The following NUDT1 variants were observed in gnomAD, a reference collection of about 807,000 sequenced individuals.
NUDT1 encodes the protein oxidized purine nucleoside triphosphate hydrolase.
Under a neutral mutation model 11.3 loss-of-function variants are expected in NUDT1, and 16 were observed. The ratio of observed to expected loss-of-function variants is 1.41; its 90% CI spans 0.96 to 2.15. NUDT1 has a LOEUF of 2.15. Among genes scored for constraint, NUDT1 ranks in the 30% most tolerant of loss-of-function variants. The pLI is 0.00. For missense variants in NUDT1, 234 were observed against 208.4 expected (o/e 1.12, Z -0.76); for synonymous variants, 101 against 84.4 (o/e 1.20, Z -1.08).
intron 2 of NUDT1, among the ~76,000 whole-genome samples, chr7:2,248,567 T>C (rs1794860078): frequency 7.0e-6 from 1 of 143,442 alleles, no homozygotes; most frequent in Non-Finnish European, 1.5e-5. Context: ...TTTTTTTTTT[T>C]TTAAGACAGG....
rs1201033332 is a variant in NUDT1, at chr7:2,251,056, C to A, written c.*55C>A. The A allele has an allele frequency of 9.6e-6, 15 of 1,568,570 alleles. No individual in the cohort carries two copies. Among genetic ancestry groups the A allele is most frequent in the South Asian group, 7.8e-5 (7 of 89,914 alleles). The stretch of plus-strand genomic sequence containing the variant: ...GACGTGGCTGCTGAACAGCCGCAAA[C>A]CATCTTCACCTGGGGGCATTGAGTG... On this transcript the variant is annotated 3_prime_UTR_variant, in exon 4 of 4. Coordinates refer to ENST00000356714, the MANE Select transcript of NUDT1 (RefSeq NM_002452.4).
Position 2,250,814 on chromosome 7 carries a change from C to A in NUDT1, c.299-15C>A. The A allele has an allele frequency of 1.9e-6, 3 of 1,613,976 alleles. No homozygotes were observed. Among genetic ancestry groups the A allele is most frequent in the Non-Finnish European group, 2.5e-6 (3 of 1,179,874 alleles). Reference sequence around the variant, plus strand: ...GGGTTGCACCTCAGTGCCTCCTCTTCCCCCATTGGTACAGAAATGCGCCCA... The same window carrying A: ...GGGTTGCACCTCAGTGCCTCCTCTTACCCCATTGGTACAGAAATGCGCCCA... On this transcript the variant is annotated splice_polypyrimidine_tract_variant and intron_variant, in intron 3 of 3. Coordinates refer to ENST00000356714, the MANE Select transcript of NUDT1 (RefSeq NM_002452.4).
At chr7:2,247,428 G>A (rs1794813732) in intron 2 of NUDT1, among the ~76,000 whole-genome samples, 1 of 152,180 alleles carries the variant, frequency 6.6e-6, no homozygotes, top group South Asian at 2.1e-4. Flanking sequence ...ACTGAATTGT[G>A]GGGGTGTGCA....
intron 1 of NUDT1, among the ~76,000 whole-genome samples, chr7:2,243,860 C>CA (rs756397420): frequency 4.3e-4 from 65 of 151,886 alleles, no homozygotes; most frequent in South Asian, 1.2e-3. Context: ...GCATCGCCCT[C>CA]AGAGTCCTCT....
In NUDT1 at chr7:2,242,963, G is replaced by T. The variant is rs1313081732; in HGVS notation, c.-13+707G>T. 3 of 715,520 alleles carry T rather than the reference G, an allele frequency of 4.2e-6. No homozygotes were observed. In the Admixed American group the frequency reaches 6.0e-5, roughly 14 times the overall value. The allele number at this position is 715,520 out of a possible 1,614,324, so 44.3% of individuals were successfully genotyped here. ...ATGTACTGGAGCAATCAGATCACAC[G>T]GCGGCTTGGAGAGTGAGTGCAAGGT... On this transcript the variant is annotated intron_variant, in intron 1 of 3. Transcript: ENST00000356714.
intron 2 of NUDT1, chr7:2,248,303 G>GT (rs1794848201): frequency 6.6e-6 from 1 of 152,242 alleles, no homozygotes; most frequent in Non-Finnish European, 1.5e-5. Context: ...TGGGTGTTCA[G>GT]AAGTGTCTGC....
Position 2,251,132 on chromosome 7 carries a change from G to A in NUDT1, c.*131G>A. The A allele has an allele frequency of 2.3e-6, 2 of 855,646 alleles. No individual in the cohort carries two copies. Among genetic ancestry groups the A allele is most frequent in the Non-Finnish European group, 1.9e-6 (1 of 537,272 alleles). The allele number at this position is 855,646 out of a possible 1,614,324, so 53.0% of individuals were successfully genotyped here. A position where few individuals can be genotyped will look rare whatever the true frequency, so the allele number is the denominator to read the frequency against. ...TTAACTGGATGGAAGGGAAAATAAA[G>A]CTATCTAGCGGTGGTTTTTTTTTTT... On this transcript the variant is annotated 3_prime_UTR_variant, in exon 4 of 4. Transcript: ENST00000356714.
chr7:2,242,514 G>C, intron 1 of NUDT1: 1 of 405,878 alleles, frequency 2.5e-6, no homozygotes, highest in Non-Finnish European at 4.4e-6. Context: ...AATTTACTTT[G>C]GAAACCGTGG....
intron 2 of NUDT1, among the ~76,000 whole-genome samples, chr7:2,247,469 G>C (rs1035584620): frequency 6.6e-6 from 1 of 152,124 alleles, no homozygotes; most frequent in Non-Finnish European, 1.5e-5. Flanking sequence ...AGTGTGAGCC[G>C]ACCTTTCTAG....
At chr7:2,249,480 G>A (rs954230093) in intron 2 of NUDT1, 1 of 310,190 alleles carries the variant, frequency 3.2e-6, no homozygotes, top group Non-Finnish European at 6.2e-6. Flanking sequence ...AAGGAAGTGG[G>A]GTCAGTCCCA....
chr7:2,248,491 T>C (rs930554261), intron 2 of NUDT1, among the ~76,000 whole-genome samples: 3 of 151,690 alleles, frequency 2.0e-5, no homozygotes, highest in Non-Finnish European at 4.4e-5. Context: ...TGGAATGTCA[T>C]GCACTCCTCC....
chr7:2,248,895 G>A (rs1794871273), intron 2 of NUDT1, among the ~76,000 whole-genome samples: 1 of 152,126 alleles, frequency 6.6e-6, no homozygotes, highest in Non-Finnish European at 1.5e-5. Context: ...AGCTATTAAG[G>A]GTTAATGTTT....
intron 1 of NUDT1, among the ~76,000 whole-genome samples, chr7:2,244,281 C>T (rs1194947377): frequency 6.6e-6 from 1 of 152,148 alleles, no homozygotes; most frequent in African/African-American, 2.4e-5. Context: ...TTGTCCTCTG[C>T]ACCTGAGTAC....
At chr7:2,247,575 C>T (rs912799601) in intron 2 of NUDT1, among the ~76,000 whole-genome samples, 49 of 152,358 alleles carry the variant, frequency 3.2e-4, no homozygotes, top group African/African-American at 1.1e-3. Context: ...CACCTCCCCA[C>T]GCCACGGACG....
intron 1 of NUDT1, chr7:2,243,128 G>A: frequency 1.5e-6 from 1 of 646,266 alleles, no homozygotes; most frequent in South Asian, 1.7e-5. Context: ...GGTTCCATCA[G>A]TTGATGGCCT....
chr7:2,244,492 C>CCACCAGG, intron 1 of NUDT1, 71 bp from the exon 2 acceptor site: 2 of 1,205,246 alleles, frequency 1.7e-6, no homozygotes, highest in Non-Finnish European at 2.3e-6. Flanking sequence ...ACGTCCCCTT[C>CCACCAGG]CTCCTGGCCC....
At position 2,244,616 on chromosome 7, in the gene NUDT1, G is replaced by A. The variant is rs112427646; in HGVS notation, c.42G>A (p.Gln14=). 3.1e-6 allele frequency: 5 copies of A among 1,613,288 alleles called. No individual in the cohort carries two copies. Among genetic ancestry groups the A allele is most frequent in the Non-Finnish European group, 4.2e-6 (5 of 1,179,536 alleles). ...TCTATACCCTGGTGCTGGTCCTGCAGCCTCAGCGAGTTCTCCTGGGCATGA... is the reference window on the plus strand; with the variant it reads ...TCTATACCCTGGTGCTGGTCCTGCAACCTCAGCGAGTTCTCCTGGGCATGA... ...SRLYTLVLVL[Q]PQRVLLGMKK... is the part of the protein sequence containing the mutation. The change falls in exon 2 of 4, where the codon CAG becomes CAA. Residue 14 remains glutamine, a synonymous_variant. Coordinates refer to ENST00000356714, the MANE Select transcript of NUDT1 (RefSeq NM_002452.4).
At chr7:2,248,545 T>C (rs1237370512) in intron 2 of NUDT1, among the ~76,000 whole-genome samples, 1 of 134,092 alleles carries the variant, frequency 7.5e-6, no homozygotes, top group East Asian at 2.1e-4. Context: ...GTATGATGTT[T>C]GCTTTTTTTT....
At chr7:2,250,526 C>T (rs1328495202) in intron 3 of NUDT1, among the ~76,000 whole-genome samples, 9 of 152,220 alleles carry the variant, frequency 5.9e-5, no homozygotes, top group Non-Finnish European at 1.3e-4. Context: ...GGCGCAATCT[C>T]GGCTCACTGC....
Sources: allele counts gnomAD v4.1 joint callset (sites outside exome capture counted in the v4.1 genomes callset), GRCh38; gene constraint gnomAD v4.1.1; transcripts MANE v1.5; gene names NCBI Gene and HGNC (gene_info 2026-07-23, HGNC 2026-07-21).